CMKLR2: variants seen among roughly 807,000 people sequenced by gnomAD.
CMKLR2 encodes chemerin-like receptor 2.
In CMKLR2, 18 loss-of-function variants were observed where a neutral mutation model predicts 23.0. The observed-to-expected ratio is 0.78, with a 90% CI of 0.54 to 1.16. The LOEUF is 1.16. CMKLR2 is among the 50% of genes most tolerant of loss of function. CMKLR2 has a pLI of 0.00. For synonymous variants in CMKLR2, 158 were observed against 158.9 expected (o/e 0.99, Z 0.05); for missense variants, 401 against 412.7 (o/e 0.97, Z 0.25).
chr2:206,187,319 T>C (rs564652026), intron 1 of CMKLR2, among the ~76,000 whole-genome samples: 3 of 152,182 alleles, frequency 2.0e-5, no homozygotes, highest in African/African-American at 7.2e-5. Flanking sequence ...GAAGTAGAAG[T>C]GGGTCAGGTG....
chr2:206,192,026 G>C (rs1351073570), intron 1 of CMKLR2, among the ~76,000 whole-genome samples: 1 of 151,366 alleles, frequency 6.6e-6, no homozygotes, highest in African/African-American at 2.4e-5. Context: ...ATTTTTTTTA[G>C]TAGAGATGGA....
upstream of CMKLR2, chr2:206,217,292 A>G (rs2058709): frequency 0.95 from 144,187 of 152,224 alleles, 68,338 homozygotes; most frequent in African/African-American, 0.96. Flanking sequence ...TAGACTTAGG[A>G]GGCCCTTACT....
At chr2:206,195,789 T>C (rs1688901505) in intron 1 of CMKLR2, among the ~76,000 whole-genome samples, 1 of 151,788 alleles carries the variant, frequency 6.6e-6, no homozygotes, top group Non-Finnish European at 1.5e-5. Context: ...ACTCCATCTC[T>C]ACTAAAAATA....
chr2:206,197,362 G>T (rs778560156), intron 1 of CMKLR2, among the ~76,000 whole-genome samples: 24 of 152,086 alleles, frequency 1.6e-4, no homozygotes, highest in Non-Finnish European at 3.2e-4. Flanking sequence ...TTGCTTCTAG[G>T]TTTTTTTCTT....
rs1206400660 is a variant in CMKLR2 at position 206,210,241 on chromosome 2, G to A, written c.-29+3066C>T. ...TTACAGGCCTAAGCCACCATGCCTGGCCCTGTGTTTCGTTTTCTGTTCCTG... is the reference window on the plus strand; with the variant it reads ...TTACAGGCCTAAGCCACCATGCCTGACCCTGTGTTTCGTTTTCTGTTCCTG... On this transcript the variant is annotated intron_variant, in intron 1 of 1. Coordinates refer to ENST00000621141, the MANE Select transcript of CMKLR2 (RefSeq NM_001389445.1). Among the ~76,000 whole-genome samples the A allele has an allele frequency of 2.0e-5, 3 of 152,074 alleles. No homozygotes were observed. In the East Asian group the frequency reaches 5.8e-4, roughly 29 times the overall value.
At chr2:206,179,054 C>CG (rs1559082864) in intron 1 of CMKLR2, among the ~76,000 whole-genome samples, 2 of 123,654 alleles carry the variant, frequency 1.6e-5, no homozygotes, top group African/African-American at 5.8e-5. Flanking sequence ...GCTCCCTGTC[C>CG]CTTTTTTTTT....
At chr2:206,203,187 G>A (rs891383946) in intron 1 of CMKLR2, among the ~76,000 whole-genome samples, 1 of 143,460 alleles carries the variant, frequency 7.0e-6, no homozygotes, top group African/African-American at 2.5e-5. Flanking sequence ...AATTAGCCGG[G>A]CATGGTGGCG....
intron 1 of CMKLR2, among the ~76,000 whole-genome samples, chr2:206,212,389 CCTT>C (rs943639937): frequency 1.7e-3 from 106 of 60,726 alleles, no homozygotes; most frequent in African/African-American, 5.3e-3. Flanking sequence ...GGTCCCTTGG[CCTT>C]TTTTTTTTTA....
In CMKLR2 at chr2:206,176,961, T is replaced by C. The variant is rs778824583; in HGVS notation, c.287A>G (p.Tyr96Cys). The C allele has an allele frequency of 2.5e-5, 41 of 1,614,174 alleles. 1 individual carries two copies. In the South Asian group the frequency reaches 4.3e-4, roughly 17 times the overall value. Residue 96 changes from tyrosine (Y) to cysteine (C), a missense_variant, in exon 2 of 2, where the codon TAT becomes TGT. Transcript: ENST00000621141. ...GGGCCAGTGGAAATTCATGGCCACATAGGAGATGTACAGGGGCAGAAAGAG... is the reference window on the plus strand; with the variant it reads ...GGGCCAGTGGAAATTCATGGCCACACAGGAGATGTACAGGGGCAGAAAGAG... ...FLLFLPLYIS[Y>C]VAMNFHWPFG...
chr2:206,189,198 T>C (rs1483582437), intron 1 of CMKLR2, among the ~76,000 whole-genome samples: 2 of 152,334 alleles, frequency 1.3e-5, no homozygotes, highest in East Asian at 3.9e-4. Flanking sequence ...GACTTGATAT[T>C]GTGAACTCTG....
At chr2:206,199,952 G>A (rs1012053926) in intron 1 of CMKLR2, among the ~76,000 whole-genome samples, 2 of 152,146 alleles carry the variant, frequency 1.3e-5, no homozygotes, top group African/African-American at 4.8e-5. Flanking sequence ...CCACTGTAGA[G>A]ACACTTCTTG....
At position 206,198,595 on chromosome 2, in the gene CMKLR2, A is replaced by G. The variant is rs191308170; in HGVS notation, c.-29+14712T>C. ...TGTCTTCCAGTAAATGGTTTTTTGC[A>G]CATTGGAACAAAAATATAGATCAAG... On this transcript the variant is annotated intron_variant, in intron 1 of 1. Coordinates refer to ENST00000621141, the MANE Select transcript of CMKLR2 (RefSeq NM_001389445.1). 4.7e-4 allele frequency among the ~76,000 whole-genome samples: 72 copies of G among 152,326 alleles called. 1 individual carries two copies. The highest frequency in any genetic ancestry group is 1.6e-3 in the African/African-American group (68 of 41,578).
chr2:206,207,149 ATT>A (rs3081587), intron 1 of CMKLR2, among the ~76,000 whole-genome samples: 12 of 137,738 alleles, frequency 8.7e-5, no homozygotes, highest in African/African-American at 2.7e-4. Flanking sequence ...GTTGCTTATA[ATT>A]TTTTTTTTTT....
rs571617216 is a variant in CMKLR2, at chr2:206,206,316, T to C, written c.-29+6991A>G. On this transcript the variant is annotated intron_variant, in intron 1 of 1. Coordinates refer to ENST00000621141, the MANE Select transcript of CMKLR2 (RefSeq NM_001389445.1). ...TTTATTTTGAATACAGTTAATAAAA[T>C]GAGAGTCACATTGGGGGACAATAAC... Among the ~76,000 whole-genome samples the C allele has an allele frequency of 4.6e-5, 7 of 152,320 alleles. No individual in the cohort carries two copies. The East Asian group carries it at 1.3e-3, about 29-fold the overall frequency.
At chr2:206,214,193 A>G (rs1467309436), upstream of CMKLR2, among the ~76,000 whole-genome samples, 18 of 38,878 alleles carry the variant, frequency 4.6e-4, no homozygotes, top group Non-Finnish European at 7.1e-4. Flanking sequence ...TTTTTTTTTG[A>G]GACGGAGTCT....
intron 1 of CMKLR2, among the ~76,000 whole-genome samples, chr2:206,209,958 TTTTC>T (rs1689487339): frequency 1.3e-5 from 2 of 149,866 alleles, no homozygotes; most frequent in South Asian, 2.1e-4. Flanking sequence ...CTTTTCTTTC[TTTTC>T]TTTCTTTTTT....
rs1688243591 is a variant in CMKLR2, at chr2:206,176,893, A to G, written c.355T>C (p.Leu119=). The G allele has an allele frequency of 2.5e-6, 4 of 1,614,230 alleles. No homozygotes were observed. The highest frequency in any genetic ancestry group is 3.3e-4 in the Middle Eastern group (2 of 6,062). The change falls in exon 2 of 2, where the codon TTG becomes CTG. Residue 119 remains leucine, a synonymous_variant. Transcript: ENST00000621141. ...AAAAAAACACTGGCAAACATGTTCA[A>G]CTGGGCAGTGAAGGAATTGGCTTTG... ...LCKANSFTAQ[L]NMFASVFFLT...
In CMKLR2 at chr2:206,176,756, C is replaced by A; in HGVS notation, c.492G>T (p.Leu164Phe). The A allele has an allele frequency of 6.2e-7, 1 of 1,614,104 alleles. No individual in the cohort carries two copies. Among genetic ancestry groups the A allele is most frequent in the Non-Finnish European group, 8.5e-7 (1 of 1,180,018 alleles). Reference protein sequence around the residue: ...SLIVIIFIWLLASLIGGPALY... With the variant: ...SLIVIIFIWLFASLIGGPALY... Reference sequence around the variant, plus strand: ...GGGCAGGACCGCCAATTAGAGAAGCCAAAAGCCAGATGAATATAATGACAA... The same window carrying A: ...GGGCAGGACCGCCAATTAGAGAAGCAAAAAGCCAGATGAATATAATGACAA... Residue 164 changes from leucine (L) to phenylalanine (F), a missense_variant, in exon 2 of 2, where the codon TTG becomes TTT. Leu to Phe is a conservative substitution (Grantham distance 22). Coordinates refer to ENST00000621141, the MANE Select transcript of CMKLR2 (RefSeq NM_001389445.1).
At chr2:206,195,737 C>A (rs1688899684) in intron 1 of CMKLR2, among the ~76,000 whole-genome samples, 1 of 150,250 alleles carries the variant, frequency 6.7e-6, no homozygotes, top group South Asian at 2.1e-4. Context: ...GGCAGATCAC[C>A]TGAGGTTGGG....
Sources: allele counts gnomAD v4.1 joint callset (sites outside exome capture counted in the v4.1 genomes callset), GRCh38; gene constraint gnomAD v4.1.1; transcripts MANE v1.5; gene names NCBI Gene and HGNC (gene_info 2026-07-23, HGNC 2026-07-21).